SH3GL2: variants seen among roughly 807,000 people sequenced by gnomAD.
SH3GL2 encodes the protein SH3 domain containing GRB2 like 2, endophilin A1, also known as endophilin-A1.
A neutral mutation model predicts 46.0 loss-of-function variants in SH3GL2; 24 were observed. The observed-to-expected ratio is 0.52, with a 90% confidence interval of 0.38 to 0.73. The LOEUF (loss-of-function observed/expected upper bound fraction) is 0.73. Ranked by LOEUF, SH3GL2 falls within the 30% of genes least tolerant of loss-of-function variation. SH3GL2 has a pLI of 0.00. For missense variants in SH3GL2, 413 were observed against 424.2 expected (o/e 0.97, Z 0.23); for synonymous variants, 196 against 147.1 (o/e 1.33, Z -2.40).
intron 1 of SH3GL2, among the ~76,000 whole-genome samples, chr9:17,674,840 G>A (rs1470940693): frequency 6.6e-6 from 1 of 152,144 alleles, no homozygotes; most frequent in Non-Finnish European, 1.5e-5. Context: ...GACTAAGGGT[G>A]AAAGTTGCAA....
intron 5 of SH3GL2, 23 bp downstream of exon 5, chr9:17,787,536 A>C: frequency 6.2e-7 from 1 of 1,604,278 alleles, no homozygotes; most frequent in South Asian, 1.1e-5. Flanking sequence ...AGTCTTCTGG[A>C]AAGTGGGCAG....
At chr9:17,628,636 C>G (rs190004840) in intron 1 of SH3GL2, among the ~76,000 whole-genome samples, 2 of 152,006 alleles carry the variant, frequency 1.3e-5, no homozygotes, top group East Asian at 3.9e-4. Context: ...TTTTTTTCTT[C>G]TTTTTAATGG....
intron 3 of SH3GL2, among the ~76,000 whole-genome samples, chr9:17,781,451 A>C (rs1823806164): frequency 6.7e-6 from 1 of 149,838 alleles, no homozygotes; most frequent in South Asian, 2.1e-4. Flanking sequence ...CTCTGATGGT[A>C]GTTTCTTTTG....
intron 1 of SH3GL2, among the ~76,000 whole-genome samples, chr9:17,715,813 C>T (rs1015961633): frequency 6.6e-6 from 1 of 151,978 alleles, no homozygotes; most frequent in African/African-American, 2.4e-5. Flanking sequence ...CTTAGCCTAG[C>T]CTACCTTAAA....
At chr9:17,653,617 A>G (rs775001234) in intron 1 of SH3GL2, among the ~76,000 whole-genome samples, 4 of 152,178 alleles carry the variant, frequency 2.6e-5, no homozygotes, top group African/African-American at 7.2e-5. Flanking sequence ...CCCAAGTCCA[A>G]GTGCTGCCAA....
chr9:17,696,671 G>C (rs531168317), intron 1 of SH3GL2, among the ~76,000 whole-genome samples: 3 of 152,204 alleles, frequency 2.0e-5, no homozygotes, highest in Non-Finnish European at 4.4e-5. Context: ...AACAGCATGG[G>C]GGAACTGCCC....
intron 1 of SH3GL2, among the ~76,000 whole-genome samples, chr9:17,602,721 G>A (rs185263729): frequency 6.6e-6 from 1 of 152,356 alleles, no homozygotes; most frequent in East Asian, 1.9e-4. Flanking sequence ...GGAAGATGGA[G>A]TGGGAATAAG....
intron 1 of SH3GL2, among the ~76,000 whole-genome samples, chr9:17,600,367 G>A (rs956135172): frequency 6.6e-6 from 1 of 152,202 alleles, no homozygotes; most frequent in African/African-American, 2.4e-5. Context: ...TCAAAGACAG[G>A]AATGTAATGT....
chr9:17,650,742 A>T (rs563394079), intron 1 of SH3GL2, among the ~76,000 whole-genome samples: 1 of 152,362 alleles, frequency 6.6e-6, no homozygotes, highest in Admixed American at 6.5e-5. Context: ...TGAATACATT[A>T]TACAGTCTTT....
At chr9:17,679,042 G>T (rs1310363960) in intron 1 of SH3GL2, among the ~76,000 whole-genome samples, 1 of 152,084 alleles carries the variant, frequency 6.6e-6, no homozygotes, top group Non-Finnish European at 1.5e-5. Flanking sequence ...TAGCCTTGTA[G>T]TATAGTTTGA....
At chr9:17,625,657 G>A (rs1819264537) in intron 1 of SH3GL2, among the ~76,000 whole-genome samples, 1 of 152,180 alleles carries the variant, frequency 6.6e-6, no homozygotes. Context: ...CTTCAACTTG[G>A]CACTTCTGCC....
intron 1 of SH3GL2, among the ~76,000 whole-genome samples, chr9:17,636,472 C>T (rs1302513499): frequency 1.3e-5 from 2 of 152,206 alleles, no homozygotes; most frequent in African/African-American, 4.8e-5. Flanking sequence ...CCTGATCCAT[C>T]TTTGCATTCT....
intron 1 of SH3GL2, among the ~76,000 whole-genome samples, chr9:17,664,324 A>G (rs1820293029): frequency 6.6e-6 from 1 of 151,916 alleles, no homozygotes; most frequent in Admixed American, 6.5e-5. Context: ...AAATGTGTTG[A>G]TGTGAAATAA....
intron 1 of SH3GL2, among the ~76,000 whole-genome samples, chr9:17,583,715 T>C (rs1295565230): frequency 6.6e-6 from 1 of 151,784 alleles, no homozygotes; most frequent in Non-Finnish European, 1.5e-5. Flanking sequence ...GGTATATGTT[T>C]ATTTGTCACA....
At chr9:17,712,225 A>G (rs1205984997) in intron 1 of SH3GL2, among the ~76,000 whole-genome samples, 6 of 151,816 alleles carry the variant, frequency 4.0e-5, no homozygotes, top group East Asian at 3.9e-4. Flanking sequence ...TCTTTATCAT[A>G]GATATGCTTG....
intron 1 of SH3GL2, among the ~76,000 whole-genome samples, chr9:17,745,158 C>A (rs535476737): frequency 5.3e-5 from 8 of 152,196 alleles, no homozygotes; most frequent in South Asian, 4.2e-4. Context: ...CTATATAGTT[C>A]TCTGGGTACA....
Position 17,735,684 on chromosome 9 carries a change from C to A in SH3GL2, c.46-11382C>A, listed in dbSNP as rs1250549853. ...GGGTTCTAGGTTCTAGAACCAATCC[C>A]CTGCATACACTGAGGGACAACTCTG... On this transcript the variant is annotated intron_variant, in intron 1 of 8. Coordinates refer to ENST00000380607, the MANE Select transcript of SH3GL2 (RefSeq NM_003026.5). 3 of 640,088 alleles carry A rather than the reference C, an allele frequency of 4.7e-6. 1 individual carries two copies. Among genetic ancestry groups the A allele is most frequent in the African/African-American group, 3.9e-5 (2 of 50,828 alleles). The allele number at this position is 640,088 out of a possible 1,614,324, so 39.7% of individuals were successfully genotyped here. A position where few individuals can be genotyped will look rare whatever the true frequency, so the allele number is the denominator to read the frequency against.
rs540223782 is a variant in SH3GL2, at chr9:17,711,614, T to A, written c.46-35452T>A. Among the ~76,000 whole-genome samples, 4 of 152,034 alleles carry A rather than the reference T, an allele frequency of 2.6e-5. No individual in the cohort carries two copies. The South Asian group carries it at 8.3e-4, about 31-fold the overall frequency. The stretch of plus-strand genomic sequence containing the variant: ...CTTCTTTCAATCGGCATAATTGTTT[T>A]GAGACTCCATGTTTTTGTGTATATA... On this transcript the variant is annotated intron_variant, in intron 1 of 8. Transcript: ENST00000380607.
At chr9:17,652,834 C>G (rs966289012) in intron 1 of SH3GL2, among the ~76,000 whole-genome samples, 1 of 152,110 alleles carries the variant, frequency 6.6e-6, no homozygotes, top group Non-Finnish European at 1.5e-5. Flanking sequence ...ATTTGTTATT[C>G]TAGTAGATCT....
Sources: allele counts gnomAD v4.1 joint callset (sites outside exome capture counted in the v4.1 genomes callset), GRCh38; gene constraint gnomAD v4.1.1; transcripts MANE v1.5; gene names NCBI Gene and HGNC (gene_info 2026-07-23, HGNC 2026-07-21).